Variants in EBF2 observed in about 807,000 individuals in gnomAD.
EBF2 encodes EBF transcription factor 2, also known as transcription factor COE2.
A neutral mutation model predicts 72.8 loss-of-function variants in EBF2; 21 were observed. The observed-to-expected ratio is 0.29, with a 90% CI of 0.20 to 0.42. The LOEUF (loss-of-function observed/expected upper bound fraction) is 0.42, where lower values mean the gene tolerates loss of function less well. EBF2 is among the 10% of genes least tolerant of loss of function. The pLI, the probability that EBF2 is intolerant of heterozygous loss-of-function variation, is 1.00. For missense variants in EBF2, 637 were observed against 731.2 expected, an observed-to-expected ratio of 0.87 and a Z score of 1.49; for synonymous variants, 299 against 274.2, an observed-to-expected ratio of 1.09 and a Z score of -0.89.
intron 6 of EBF2, among the ~76,000 whole-genome samples, chr8:26,014,986 G>A (rs1805084743): frequency 6.6e-6 from 1 of 152,206 alleles, no homozygotes; most frequent in African/African-American, 2.4e-5. Context: ...TAATTGGAAA[G>A]ATAGCAAATG....
intron 6 of EBF2, among the ~76,000 whole-genome samples, chr8:25,947,461 C>T (rs1008999831): frequency 6.6e-5 from 10 of 152,188 alleles, no homozygotes; most frequent in African/African-American, 1.7e-4. Context: ...GACTAATACA[C>T]GCATGCTGTA....
At chr8:25,857,132 T>A (rs1585260738) in intron 14 of EBF2, among the ~76,000 whole-genome samples, 2 of 152,304 alleles carry the variant, frequency 1.3e-5, no homozygotes, top group East Asian at 3.9e-4. Flanking sequence ...TGTTATCTAA[T>A]TAACTTAGGC....
chr8:25,888,492 A>G (rs1226266982), intron 8 of EBF2, among the ~76,000 whole-genome samples: 1 of 152,202 alleles, frequency 6.6e-6, no homozygotes, highest in Non-Finnish European at 1.5e-5. Context: ...AGTTGATCAC[A>G]CTGGAAATGT....
At chr8:25,899,394 G>A (rs965625407) in intron 7 of EBF2, among the ~76,000 whole-genome samples, 2 of 152,162 alleles carry the variant, frequency 1.3e-5, no homozygotes, top group African/African-American at 4.8e-5. Flanking sequence ...CTGCTCAGTA[G>A]CACTCCGGAT....
intron 6 of EBF2, among the ~76,000 whole-genome samples, chr8:25,919,452 C>T (rs1345865421): frequency 2.6e-5 from 4 of 152,160 alleles, no homozygotes; most frequent in African/African-American, 9.7e-5. Context: ...AGTCACTATA[C>T]TATCAGTGGC....
chr8:25,988,031 G>A (rs547746750), intron 6 of EBF2, among the ~76,000 whole-genome samples: 5 of 152,150 alleles, frequency 3.3e-5, no homozygotes, highest in Admixed American at 1.3e-4. Context: ...GTGTCCAGGG[G>A]TTTTTCAAAA....
rs984899898 is a variant in EBF2 at position 25,933,913 on chromosome 8, AT to A, written c.552-25359del. ...TAAGTTACTGGGCCATTTTCATTTT[AT>A]TTGTCCATATTTTCTAAATTTTCTA... On this transcript the variant is annotated intron_variant, in intron 6 of 15. Coordinates refer to ENST00000520164, the MANE Select transcript of EBF2 (RefSeq NM_022659.4). Among the ~76,000 whole-genome samples the A allele has an allele frequency of 5.5e-4, 83 of 152,212 alleles. No individual in the cohort carries two copies. In the Middle Eastern group the frequency reaches 0.01, roughly 19 times the overall value.
intron 10 of EBF2, among the ~76,000 whole-genome samples, chr8:25,880,176 A>G (rs1338052848): frequency 6.6e-6 from 1 of 152,214 alleles, no homozygotes; most frequent in African/African-American, 2.4e-5. Context: ...TATACTTAAG[A>G]TAATAGGCCA....
rs1802696636 is a variant in EBF2, at chr8:25,886,788, A to G, written c.976T>C (p.Cys326Arg). 1 of 1,611,928 alleles carries G rather than the reference A, an allele frequency of 6.2e-7. No homozygotes were observed. The highest frequency in any genetic ancestry group is 8.5e-7 in the Non-Finnish European group (1 of 1,178,902). ...VTLSYKSKQFCKGAPGRFIYT... is the reference protein window; with the variant it reads ...VTLSYKSKQFRKGAPGRFIYT... ...ATGAACCTTCCTGGGGCTCCTTTGC[A>G]GAACTGTTTAGATTTATAAGATAAT... Residue 326 changes from cysteine to arginine, a missense_variant, in exon 10 of 16, where the codon TGC (cysteine) becomes CGC (arginine). By Grantham distance (180) the Cys-to-Arg change is radical (BLOSUM62 -3). Coordinates refer to ENST00000520164, the MANE Select transcript of EBF2 (RefSeq NM_022659.4).
chr8:25,994,104 A>G (rs1446516215), intron 6 of EBF2, among the ~76,000 whole-genome samples: 3 of 152,178 alleles, frequency 2.0e-5, no homozygotes, highest in Non-Finnish European at 2.9e-5. Context: ...TGCAGATATC[A>G]TAATATGAAG....
chr8:25,947,245 G>A (rs1414485408), intron 6 of EBF2, among the ~76,000 whole-genome samples: 3 of 152,188 alleles, frequency 2.0e-5, no homozygotes, highest in Non-Finnish European at 2.9e-5. Context: ...ATGATAGTGA[G>A]TAAATCTCAT....
At position 25,929,288 on chromosome 8, in the gene EBF2, A is replaced by T. The variant is rs142579795; in HGVS notation, c.552-20733T>A. ...CAGATGGTGGAGACGGGATGTGAAC[A>T]GGGCATCCTGGCTCCACAGTTTGCT... On this transcript the variant is annotated intron_variant, in intron 6 of 15. Transcript: ENST00000520164. Among the ~76,000 whole-genome samples the T allele has an allele frequency of 3.1e-4, 47 of 152,352 alleles. No individual in the cohort carries two copies. In the East Asian group the frequency reaches 9.1e-3, roughly 29 times the overall value.
intron 6 of EBF2, among the ~76,000 whole-genome samples, chr8:25,990,647 C>T (rs185152938): frequency 1.3e-5 from 2 of 152,280 alleles, no homozygotes; most frequent in East Asian, 3.9e-4. Context: ...TGACTCAGCC[C>T]ATGTCTTCTT....
intron 6 of EBF2, among the ~76,000 whole-genome samples, chr8:25,935,246 G>T (rs1803556951): frequency 6.6e-6 from 1 of 151,864 alleles, no homozygotes; most frequent in Admixed American, 6.6e-5. Context: ...GATGGAGAGG[G>T]AGGTGGGATT....
chr8:25,920,471 T>C (rs147348670), intron 6 of EBF2, among the ~76,000 whole-genome samples: 15 of 152,300 alleles, frequency 9.8e-5, no homozygotes, highest in African/African-American at 3.1e-4. Context: ...GGCAAGAGGT[T>C]TTGCTGAAGT....
chr8:25,945,182 A>G (rs1803747127), intron 6 of EBF2, among the ~76,000 whole-genome samples: 2 of 141,204 alleles, frequency 1.4e-5, no homozygotes, highest in Admixed American at 1.6e-4. Flanking sequence ...CATAGCCTGC[A>G]TGATTCCAAC....
chr8:26,018,028 C>T (rs1468439080), intron 6 of EBF2, among the ~76,000 whole-genome samples: 2 of 151,244 alleles, frequency 1.3e-5, no homozygotes, highest in Admixed American at 1.3e-4. Context: ...TTCTTTGGTA[C>T]TTCATAGAAG....
intron 1 of EBF2, 97 bp from the exon 2 acceptor site, chr8:26,042,348 C>T: frequency 7.0e-7 from 1 of 1,426,314 alleles, no homozygotes; most frequent in African/African-American, 1.4e-5. Context: ...GTAAGGGGTC[C>T]ACTTCCCAGG....
intron 6 of EBF2, among the ~76,000 whole-genome samples, chr8:25,930,693 T>C (rs796282846): frequency 1.2e-4 from 19 of 152,330 alleles, no homozygotes; most frequent in African/African-American, 4.3e-4. Context: ...TTTCTGTTGC[T>C]CAATGACTAG....
Sources: gnomAD v4.1 joint callset for allele counts (sites outside exome capture counted in the v4.1 genomes callset) on GRCh38, gnomAD v4.1.1 for gene constraint, MANE v1.5 for transcripts, NCBI Gene and HGNC (gene_info 2026-07-23, HGNC 2026-07-21) for gene names.